The following SIK3 variants were observed in gnomAD, a reference collection of about 807,000 sequenced individuals.
The protein encoded by SIK3 is SIK family kinase 3.
Under a neutral mutation model 144.2 loss-of-function variants are expected in SIK3, and 28 were observed. That is an observed-to-expected ratio of 0.19 (90% confidence interval 0.14 to 0.27). The LOEUF (loss-of-function observed/expected upper bound fraction) is 0.27. Ranked by LOEUF, SIK3 falls within the 10% of genes least tolerant of loss-of-function variation. The probability of loss-of-function intolerance (pLI) is 1.00; values close to 1 mark genes in which losing one functional copy is unlikely to be tolerated. For synonymous variants in SIK3, 686 were observed against 676.3 expected (o/e 1.01, Z -0.22); for missense variants, 1,319 against 1,776.0 (o/e 0.74, Z 4.62).
chr11:117,072,839 T>C (rs1591653016), intron 1 of SIK3, among the ~76,000 whole-genome samples: 1 of 152,208 alleles, frequency 6.6e-6, no homozygotes, highest in Non-Finnish European at 1.5e-5. Flanking sequence ...TGAAAGTAGA[T>C]CAAAGGTATT....
chr11:117,094,463 C>A (rs969173483), intron 1 of SIK3, among the ~76,000 whole-genome samples: 10 of 151,900 alleles, frequency 6.6e-5, no homozygotes, highest in Admixed American at 5.9e-4. Context: ...TAAAAATTAA[C>A]CTGGTGTGGT....
chr11:117,039,118 C>T (rs963992251), intron 1 of SIK3, among the ~76,000 whole-genome samples: 5 of 151,900 alleles, frequency 3.3e-5, no homozygotes, highest in South Asian at 2.1e-4. Flanking sequence ...CTCGGCTCTA[C>T]GTTGAGACTA....
At chr11:117,030,762 C>T (rs909898164) in intron 1 of SIK3, among the ~76,000 whole-genome samples, 3 of 152,148 alleles carry the variant, frequency 2.0e-5, no homozygotes, top group African/African-American at 2.4e-5. Flanking sequence ...CCTCGACTTT[C>T]CAGGCTCAGG....
intron 3 of SIK3, among the ~76,000 whole-genome samples, chr11:116,942,241 A>G (rs1236084277): frequency 1.3e-5 from 2 of 152,212 alleles, no homozygotes; most frequent in African/African-American, 4.8e-5. Context: ...TGCCTACTAT[A>G]TGTTAGACAC....
At position 116,916,563 on chromosome 11, in the gene SIK3, T is replaced by G. The variant is rs966572003; in HGVS notation, c.616+10656A>C. Reference sequence around the variant, plus strand: ...TCTTGCTCTGTCGCCCAGGCTGGAGTGCAGTGGCGCAATCTCAGCTCACTG... The same window carrying G: ...TCTTGCTCTGTCGCCCAGGCTGGAGGGCAGTGGCGCAATCTCAGCTCACTG... On this transcript the variant is annotated intron_variant, in intron 4 of 24. Coordinates refer to ENST00000445177, the MANE Select transcript of SIK3 (RefSeq NM_001366686.3). 2.0e-3 allele frequency among the ~76,000 whole-genome samples: 303 copies of G among 149,752 alleles called. 3 individuals carry two copies. Among genetic ancestry groups the G allele is most frequent in the African/African-American group, 6.9e-3 (282 of 40,732 alleles).
At chr11:116,865,534 A>G (rs893299528) in intron 15 of SIK3, among the ~76,000 whole-genome samples, 3 of 152,140 alleles carry the variant, frequency 2.0e-5, no homozygotes, top group Non-Finnish European at 4.4e-5. Context: ...CTCCCACACT[A>G]TACTCTTCAA....
chr11:116,939,407 A>G (rs944802493), intron 3 of SIK3, among the ~76,000 whole-genome samples: 7 of 152,226 alleles, frequency 4.6e-5, no homozygotes, highest in African/African-American at 1.7e-4. Context: ...CGGCCTCCCA[A>G]AGTGCTGGGA....
intron 1 of SIK3, among the ~76,000 whole-genome samples, chr11:117,004,244 G>A (rs551936411): frequency 6.6e-6 from 1 of 152,340 alleles, no homozygotes; most frequent in South Asian, 2.1e-4. Flanking sequence ...GCAGGGAGCA[G>A]TGGCTCACAC....
chr11:116,907,984 A>AT (rs1052529588), intron 4 of SIK3, among the ~76,000 whole-genome samples: 3 of 108,238 alleles, frequency 2.8e-5, no homozygotes, highest in African/African-American at 5.4e-5. Context: ...TCACGTTTTT[A>AT]TTTAAAAAAA....
Position 116,930,209 on chromosome 11 carries a change from C to T in SIK3, c.455-2829G>A, listed in dbSNP as rs183458774. ...CAAGCTCCTTCCAGTGGCTCAATCG[C>T]ATTCAGACCTCAGCCTCTGCCCTGA... On this transcript the variant is annotated intron_variant, in intron 3 of 24. Transcript: ENST00000445177. Among the ~76,000 whole-genome samples the T allele has an allele frequency of 2.0e-5, 3 of 152,222 alleles. No homozygotes were observed. The East Asian group carries it at 5.8e-4, about 29-fold the overall frequency.
At chr11:116,914,123 A>T (rs1295081575) in intron 4 of SIK3, among the ~76,000 whole-genome samples, 2 of 152,118 alleles carry the variant, frequency 1.3e-5, no homozygotes, top group Non-Finnish European at 2.9e-5. Flanking sequence ...AAAAACTTCA[A>T]ATGAGAGCAG....
chr11:117,008,165 A>G (rs898866153), intron 1 of SIK3, among the ~76,000 whole-genome samples: 1 of 151,926 alleles, frequency 6.6e-6, no homozygotes, highest in Non-Finnish European at 1.5e-5. Flanking sequence ...AATTAACCAT[A>G]AAATTTGGGT....
intron 1 of SIK3, among the ~76,000 whole-genome samples, chr11:116,970,806 T>C (rs1041094899): frequency 1.3e-5 from 2 of 152,010 alleles, no homozygotes; most frequent in African/African-American, 4.8e-5. Context: ...TGTACTACCA[T>C]GCCCAGCTAA....
At chr11:116,874,108 G>C in intron 11 of SIK3, 52 bp from the exon 12 acceptor site, 2 of 1,592,044 alleles carry the variant, frequency 1.3e-6, no homozygotes, top group Non-Finnish European at 1.7e-6. Flanking sequence ...TTACTCAAAA[G>C]TGCTTATATC....
rs537273927 is a variant in SIK3, at chr11:116,941,746, G to A, written c.454+12298C>T. On this transcript the variant is annotated intron_variant, in intron 3 of 24. Transcript: ENST00000445177. Reference sequence around the variant, plus strand: ...CTTAAATTAGTAATTTGTTTTAAATGCCCATGAGTTCTGCCTGGTATTCAG... The same window carrying A: ...CTTAAATTAGTAATTTGTTTTAAATACCCATGAGTTCTGCCTGGTATTCAG... 9.8e-4 allele frequency among the ~76,000 whole-genome samples: 149 copies of A among 152,230 alleles called. 1 individual carries two copies. Among genetic ancestry groups the A allele is most frequent in the Non-Finnish European group, 1.7e-3 (116 of 68,004 alleles).
chr11:116,994,837 C>T (rs1008014031), intron 1 of SIK3, among the ~76,000 whole-genome samples: 3 of 152,164 alleles, frequency 2.0e-5, no homozygotes, highest in African/African-American at 4.8e-5. Context: ...CTGTTTTTGT[C>T]CTGCTATTCT....
intron 6 of SIK3, among the ~76,000 whole-genome samples, chr11:116,879,652 C>CT (rs1351440076): frequency 6.6e-6 from 1 of 152,192 alleles, no homozygotes; most frequent in Non-Finnish European, 1.5e-5. Flanking sequence ...TTTACTCTAA[C>CT]TTCAAAAGAT....
intron 4 of SIK3, among the ~76,000 whole-genome samples, chr11:116,905,870 A>C (rs1355401359): frequency 6.6e-6 from 1 of 152,210 alleles, no homozygotes; most frequent in South Asian, 2.1e-4. Flanking sequence ...ATCTCTTATT[A>C]GATATATGAT....
chr11:116,859,543 T>C lies in SIK3; in HGVS notation c.2487A>G (p.Gln829=), dbSNP rs1367144891. Residue 829 remains glutamine, a synonymous_variant, in exon 20 of 25, where the codon CAA becomes CAG. Transcript: ENST00000445177. The part of the protein sequence containing the change: ...LPSRSAIFQQ[Q]PENCSSPPNV... ...TGGGAGGAGAGGAACAGTTCTCAGG[T>C]TGCTGCTGAAAGATTGCACTGCGGG... 5 of 1,614,158 alleles carry C rather than the reference T, an allele frequency of 3.1e-6. No individual in the cohort carries two copies. The highest frequency in any genetic ancestry group is 2.2e-5 in the South Asian group (2 of 91,086).
Sources: gnomAD v4.1 joint callset for allele counts (sites outside exome capture counted in the v4.1 genomes callset) on GRCh38, gnomAD v4.1.1 for gene constraint, MANE v1.5 for transcripts, NCBI Gene and HGNC (gene_info 2026-07-23, HGNC 2026-07-21) for gene names.